HECW1: variants seen among roughly 807,000 people sequenced by gnomAD.
HECW1 encodes the protein HECT, C2 and WW domain containing E3 ubiquitin protein ligase 1.
Under a neutral mutation model 182.3 loss-of-function variants are expected in HECW1, and 61 were observed. That is an observed-to-expected ratio of 0.33 (90% CI 0.27 to 0.41). The LOEUF is 0.41. Ranked by LOEUF, HECW1 falls within the 10% of genes least tolerant of loss-of-function variation. The pLI is 1.00. For missense variants in HECW1, 1,739 were observed against 2,108.9 expected (o/e 0.82, Z 3.44); for synonymous variants, 859 against 832.6 (o/e 1.03, Z -0.55).
chr7:43,122,773 G>A (rs543213196), intron 2 of HECW1, among the ~76,000 whole-genome samples: 2 of 151,798 alleles, frequency 1.3e-5, no homozygotes, highest in East Asian at 3.9e-4. Context: ...TTTGACCAAG[G>A]GACTACTAAA....
At chr7:43,397,627 G>T (rs1199994344) in intron 7 of HECW1, among the ~76,000 whole-genome samples, 1 of 152,144 alleles carries the variant, frequency 6.6e-6, no homozygotes, top group East Asian at 1.9e-4. Context: ...TTTCAAGGGT[G>T]GGGAGAATAT....
At chr7:43,405,937 A>T (rs2075595891) in intron 7 of HECW1, among the ~76,000 whole-genome samples, 1 of 152,202 alleles carries the variant, frequency 6.6e-6, no homozygotes, top group African/African-American at 2.4e-5. Context: ...TTGTGGGGGC[A>T]AAAGTGACTC....
intron 6 of HECW1, among the ~76,000 whole-genome samples, chr7:43,377,149 A>G (rs1302721285): frequency 2.0e-5 from 3 of 152,020 alleles, no homozygotes; most frequent in Non-Finnish European, 4.4e-5. Context: ...ACCCAACACC[A>G]TGAGACCCAG....
chr7:43,344,878 G>T (rs1584557407), intron 5 of HECW1, among the ~76,000 whole-genome samples: 3 of 152,206 alleles, frequency 2.0e-5, no homozygotes, highest in South Asian at 4.1e-4. Flanking sequence ...GGTTCATTTT[G>T]TAGACTTAAT....
At chr7:43,131,408 C>T (rs1786902819) in intron 2 of HECW1, among the ~76,000 whole-genome samples, 2 of 152,206 alleles carry the variant, frequency 1.3e-5, no homozygotes, top group Admixed American at 1.3e-4. Flanking sequence ...ATGACCAACC[C>T]TGCATTTTCA....
At chr7:43,490,218 G>A (rs971274088) in intron 17 of HECW1, among the ~76,000 whole-genome samples, 2 of 152,162 alleles carry the variant, frequency 1.3e-5, no homozygotes, top group African/African-American at 2.4e-5. Context: ...TCAGTTGCAG[G>A]TGGCTAACTG....
At chr7:43,538,803 C>G (rs550622670) in intron 24 of HECW1, among the ~76,000 whole-genome samples, 6 of 152,316 alleles carry the variant, frequency 3.9e-5, no homozygotes, top group African/African-American at 1.4e-4. Flanking sequence ...TACTTCTAAT[C>G]TGTTTCCAAT....
At chr7:43,439,509 T>G (rs900986627) in intron 9 of HECW1, 4 of 152,624 alleles carry the variant, frequency 2.6e-5, no homozygotes, top group Admixed American at 6.5e-5. Flanking sequence ...TCACAGCTGT[T>G]AGCACCTCTG....
At chr7:43,456,567 T>C (rs2077410861) in intron 13 of HECW1, 120 bp downstream of exon 13, 1 of 932,192 alleles carries the variant, frequency 1.1e-6, no homozygotes, top group Non-Finnish European at 1.5e-6. Flanking sequence ...AGTAATTAAG[T>C]ATCTTAAGAA....
intron 2 of HECW1, among the ~76,000 whole-genome samples, chr7:43,142,969 G>A (rs1788325982): frequency 6.6e-6 from 1 of 152,180 alleles, no homozygotes; most frequent in Non-Finnish European, 1.5e-5. Flanking sequence ...GCTTGGCCAT[G>A]TAACACTCCA....
At chr7:43,386,894 C>T (rs1212345972) in intron 6 of HECW1, among the ~76,000 whole-genome samples, 1 of 152,160 alleles carries the variant, frequency 6.6e-6, no homozygotes, top group East Asian at 1.9e-4. Flanking sequence ...AGCAGCTTGA[C>T]ATGAATTCCT....
At chr7:43,396,424 G>A (rs1432814514) in intron 6 of HECW1, among the ~76,000 whole-genome samples, 1 of 152,164 alleles carries the variant, frequency 6.6e-6, no homozygotes, top group African/African-American at 2.4e-5. Context: ...TTGCTAAATG[G>A]AAATACATTA....
At chr7:43,452,309 T>G (rs537280340) in intron 12 of HECW1, among the ~76,000 whole-genome samples, 1 of 152,364 alleles carries the variant, frequency 6.6e-6, no homozygotes, top group African/African-American at 2.4e-5. Context: ...ACTTCGAATC[T>G]GTGCAGTACA....
At chr7:43,405,161 G>T (rs377214932) in intron 7 of HECW1, among the ~76,000 whole-genome samples, 2 of 152,146 alleles carry the variant, frequency 1.3e-5, no homozygotes, top group East Asian at 1.9e-4. Context: ...TGTATTTTAA[G>T]TGCTTAGAAT....
intron 3 of HECW1, among the ~76,000 whole-genome samples, chr7:43,262,806 G>A (rs371230534): frequency 5.3e-5 from 8 of 152,086 alleles, no homozygotes; most frequent in African/African-American, 1.9e-4. Context: ...CACTATCCTT[G>A]TCCATTTGCA....
At chr7:43,472,919 C>T (rs1347375899) in intron 16 of HECW1, among the ~76,000 whole-genome samples, 1 of 152,162 alleles carries the variant, frequency 6.6e-6, no homozygotes, top group Non-Finnish European at 1.5e-5. Flanking sequence ...TTTTACCCAT[C>T]CTGATTGTTA....
intron 2 of HECW1, among the ~76,000 whole-genome samples, chr7:43,124,113 T>C (rs1027732785): frequency 1.0e-3 from 159 of 152,230 alleles, no homozygotes; most frequent in African/African-American, 3.5e-3. Flanking sequence ...CTTTTTCAAG[T>C]GTTCATTTGT....
chr7:43,452,704 A>G (rs896787737), intron 12 of HECW1, among the ~76,000 whole-genome samples: 1 of 152,258 alleles, frequency 6.6e-6, no homozygotes, highest in East Asian at 1.9e-4. Context: ...GGCCTAGCAT[A>G]GGAGATGCTA....
chr7:43,508,706 T>A (rs1341184580), intron 23 of HECW1: 4 of 479,710 alleles, frequency 8.3e-6, no homozygotes, highest in Non-Finnish European at 1.5e-5. Flanking sequence ...AGGTGTTAGA[T>A]GATCAAAAGA....
Sources: allele counts gnomAD v4.1 joint callset (sites outside exome capture counted in the v4.1 genomes callset), GRCh38; gene constraint gnomAD v4.1.1; transcripts MANE v1.5; gene names NCBI Gene and HGNC (gene_info 2026-07-23, HGNC 2026-07-21).